Variants in CIB4 observed in about 807,000 individuals in gnomAD.
CIB4 encodes the protein calcium and integrin-binding family member 4.
CIB4 carries 25 observed loss-of-function variants against 25.8 expected under a neutral mutation model. That is an observed-to-expected ratio of 0.97 (90% CI 0.71 to 1.35). The LOEUF (loss-of-function observed/expected upper bound fraction) is 1.35. Among genes scored for constraint, CIB4 ranks in the 40% most tolerant of loss-of-function variants. The probability of loss-of-function intolerance (pLI) is 0.00; values close to 1 mark genes in which losing one functional copy is unlikely to be tolerated. For missense variants in CIB4, 235 were observed against 228.2 expected (o/e 1.03, Z -0.19); for synonymous variants, 75 against 81.4 (o/e 0.92, Z 0.42).
intron 6 of CIB4, among the ~76,000 whole-genome samples, chr2:26,582,354 C>T (rs1029522475): frequency 2.0e-5 from 3 of 152,214 alleles, no homozygotes; most frequent in Non-Finnish European, 4.4e-5. Context: ...TTCTCAAGGA[C>T]GTTTGGGCCT....
At chr2:26,637,432 T>C (rs1363507459) in intron 2 of CIB4, among the ~76,000 whole-genome samples, 3 of 151,908 alleles carry the variant, frequency 2.0e-5, no homozygotes, top group Non-Finnish European at 4.4e-5. Context: ...GTTTCTTTCT[T>C]CTTCTTTTTG....
In CIB4 at chr2:26,603,009, C is replaced by T. The variant is rs554879468; in HGVS notation, c.187-7692G>A. ...GTCCAAGGCTGCAGTGATCTATGAT[C>T]GCTCCACTGTGGCATGGGCGATAGA... On this transcript the variant is annotated intron_variant, in intron 3 of 6. Coordinates refer to ENST00000288861, the MANE Select transcript of CIB4 (RefSeq NM_001029881.3). Among the ~76,000 whole-genome samples, 59 of 146,084 alleles carry T rather than the reference C, an allele frequency of 4.0e-4. 1 individual carries two copies. Among genetic ancestry groups the T allele is most frequent in the South Asian group, 8.7e-4 (4 of 4,578 alleles).
chr2:26,621,252 G>GAAAAAAAA (rs10689851), intron 3 of CIB4, among the ~76,000 whole-genome samples: 1 of 101,912 alleles, frequency 9.8e-6, no homozygotes, highest in Non-Finnish European at 2.0e-5. Context: ...AAGTTTCCAG[G>GAAAAAAAA]AAAAAAAAAA....
intron 3 of CIB4, among the ~76,000 whole-genome samples, chr2:26,603,117 A>T (rs1291401850): frequency 6.6e-6 from 1 of 152,188 alleles, no homozygotes; most frequent in African/African-American, 2.4e-5. Context: ...CTTCTGTCTA[A>T]TTATGAGAAA....
At chr2:26,628,130 G>A (rs754696936) in intron 3 of CIB4, among the ~76,000 whole-genome samples, 4 of 152,200 alleles carry the variant, frequency 2.6e-5, no homozygotes, top group African/African-American at 7.2e-5. Context: ...ATTTGTTAAC[G>A]TGACATTTCC....
At chr2:26,628,031 G>A (rs879428359) in intron 3 of CIB4, among the ~76,000 whole-genome samples, 1 of 152,200 alleles carries the variant, frequency 6.6e-6, no homozygotes, top group Non-Finnish European at 1.5e-5. Context: ...AAACAGAAAC[G>A]AAGATGGGCT....
intron 3 of CIB4, among the ~76,000 whole-genome samples, chr2:26,598,954 G>A (rs1346331400): frequency 6.6e-6 from 1 of 151,964 alleles, no homozygotes; most frequent in Non-Finnish European, 1.5e-5. Context: ...AGAAGGGGAA[G>A]CTGAAAGAGC....
At chr2:26,641,008 T>C (rs1669625295) in intron 1 of CIB4, among the ~76,000 whole-genome samples, 1 of 152,270 alleles carries the variant, frequency 6.6e-6, no homozygotes, top group Admixed American at 6.5e-5. Context: ...TTGAATGGGG[T>C]CCCAACACAT....
intron 3 of CIB4, among the ~76,000 whole-genome samples, chr2:26,628,097 T>C (rs1344799374): frequency 1.3e-5 from 2 of 152,124 alleles, no homozygotes; most frequent in African/African-American, 4.8e-5. Flanking sequence ...GAATGAAAAA[T>C]AGAGAAGCCT....
chr2:26,590,936 G>C (rs945924420), intron 4 of CIB4, among the ~76,000 whole-genome samples: 1 of 152,184 alleles, frequency 6.6e-6, no homozygotes, highest in African/African-American at 2.4e-5. Context: ...CTACCCTGAG[G>C]CTCTCAGTCT....
chr2:26,585,156 A>C, intron 4 of CIB4, among the ~76,000 whole-genome samples: 1 of 151,942 alleles, frequency 6.6e-6, no homozygotes, highest in Non-Finnish European at 1.5e-5. Flanking sequence ...TTCTCAACAG[A>C]CCTTGGAAGA....
intron 3 of CIB4, among the ~76,000 whole-genome samples, chr2:26,621,053 A>C (rs1015965473): frequency 2.6e-5 from 4 of 152,134 alleles, no homozygotes; most frequent in Non-Finnish European, 5.9e-5. Flanking sequence ...AGTTCCAGAA[A>C]GAAAGGACAA....
intron 2 of CIB4, among the ~76,000 whole-genome samples, chr2:26,637,178 G>C (rs1028592422): frequency 5.4e-4 from 82 of 152,114 alleles, no homozygotes; most frequent in African/African-American, 1.9e-3. Flanking sequence ...CAGAGGGAGA[G>C]AGAAGGAATC....
intron 4 of CIB4, among the ~76,000 whole-genome samples, chr2:26,587,987 C>T (rs1395997801): frequency 6.6e-6 from 1 of 152,216 alleles, no homozygotes. Flanking sequence ...GTAAGTTCCC[C>T]TCACTCCTCC....
rs542380583 is a variant in CIB4 at position 26,584,001 on chromosome 2, A to T, written c.329-103T>A. ...CACAGCACCAGCCAGGACCCCACAG[A>T]TGCCCATTAGCCTCTGGGAGGCCCC... On this transcript the variant is annotated intron_variant, in intron 4 of 6. Coordinates refer to ENST00000288861, the MANE Select transcript of CIB4 (RefSeq NM_001029881.3). 4.1e-6 allele frequency: 3 copies of T among 725,718 alleles called. No individual in the cohort carries two copies. The Admixed American group carries it at 6.5e-5, about 16-fold the overall frequency. 45.0% of individuals were successfully genotyped at this position (725,718 alleles called of 1,614,324 possible).
chr2:26,623,823 G>C (rs1669250318), intron 3 of CIB4, among the ~76,000 whole-genome samples: 1 of 152,170 alleles, frequency 6.6e-6, no homozygotes, highest in Non-Finnish European at 1.5e-5. Context: ...CCTGTTTCCA[G>C]CCATCCCCAG....
Position 26,627,026 on chromosome 2 carries a change from G to C in CIB4, c.186+2384C>G, listed in dbSNP as rs973344815. On this transcript the variant is annotated intron_variant, in intron 3 of 6. Coordinates refer to ENST00000288861, the MANE Select transcript of CIB4 (RefSeq NM_001029881.3). The surrounding 1 kb of genome is among the most constrained non-coding windows in gnomAD (Gnocchi z 4.0). ...CTCCAGGCCCAGACTCAGCCCTCCTGATCTTAGTCCAGTGCTTACTCCTTT... is the reference window on the plus strand; with the variant it reads ...CTCCAGGCCCAGACTCAGCCCTCCTCATCTTAGTCCAGTGCTTACTCCTTT... Among the ~76,000 whole-genome samples, 7 of 152,174 alleles carry C rather than the reference G, an allele frequency of 4.6e-5. No homozygotes were observed. The highest frequency in any genetic ancestry group is 1.7e-4 in the African/African-American group (7 of 41,442).
chr2:26,628,491 G>T (rs1240784375), intron 3 of CIB4, among the ~76,000 whole-genome samples: 1 of 152,196 alleles, frequency 6.6e-6, no homozygotes, highest in African/African-American at 2.4e-5. Flanking sequence ...GTGTGTTCTA[G>T]GTGGTTGGAA....
chr2:26,618,802 A>C (rs946194679), intron 3 of CIB4, among the ~76,000 whole-genome samples: 2 of 152,132 alleles, frequency 1.3e-5, no homozygotes, highest in African/African-American at 4.8e-5. Flanking sequence ...CAAGGCTTGC[A>C]TGGCCGCCCA....
Sources: gnomAD v4.1 joint callset for allele counts (sites outside exome capture counted in the v4.1 genomes callset) on GRCh38, gnomAD v4.1.1 for gene constraint, Gnocchi (gnomAD v3.1) non-coding constraint, MANE v1.5 for transcripts, NCBI Gene and HGNC (gene_info 2026-07-23, HGNC 2026-07-21) for gene names.